Variants in ZNF568 observed in about 807,000 individuals in gnomAD.
ZNF568 encodes the protein p53 inhibitor of SCO2 activation.
In ZNF568, 11 loss-of-function variants were observed where a neutral mutation model predicts 18.1. The ratio of observed to expected loss-of-function variants is 0.61; its 90% CI spans 0.38 to 1.00. ZNF568 has a LOEUF of 1.00. ZNF568 is among the 50% of genes least tolerant of loss of function. The pLI is 0.01. For synonymous variants in ZNF568, 213 were observed against 246.6 expected, an observed-to-expected ratio of 0.86 and a Z score of 1.28; for missense variants, 639 against 768.2, an observed-to-expected ratio of 0.83 and a Z score of 1.99.
chr19:36,961,082 T>G (rs1017624925), intron 6 of ZNF568, among the ~76,000 whole-genome samples: 3 of 152,148 alleles, frequency 2.0e-5, no homozygotes, highest in Admixed American at 6.5e-5. Context: ...AAACTCTGAT[T>G]TTTTAAAACT....
chr19:36,956,046 T>TA (rs2074104816), downstream of ZNF568, among the ~76,000 whole-genome samples: 1 of 152,044 alleles, frequency 6.6e-6, no homozygotes, highest in Admixed American at 6.6e-5. Flanking sequence ...GTGCTTTCAG[T>TA]AAGAGGGGTA....
chr19:36,946,648 C>T (rs1600812831), intron 6 of ZNF568, among the ~76,000 whole-genome samples: 9 of 126,422 alleles, frequency 7.1e-5, no homozygotes, highest in Non-Finnish European at 6.6e-5. Flanking sequence ...TTTTTTGTTT[C>T]CTTTTTTTTT....
intron 4 of ZNF568, among the ~76,000 whole-genome samples, chr19:36,929,421 C>T (rs2146279547): frequency 6.6e-6 from 1 of 152,160 alleles, no homozygotes; most frequent in Middle Eastern, 3.4e-3. Context: ...CGTGGTGGCT[C>T]ACGCCTGTAA....
At chr19:36,962,121 GTTT>G (rs34079346) in intron 6 of ZNF568, among the ~76,000 whole-genome samples, 1 of 141,450 alleles carries the variant, frequency 7.1e-6, no homozygotes. Flanking sequence ...GTTGTTTTAT[GTTT>G]TTTTTTTTTT....
chr19:36,960,844 T>C (rs2146322595), intron 6 of ZNF568, among the ~76,000 whole-genome samples: 1 of 152,332 alleles, frequency 6.6e-6, no homozygotes, highest in East Asian at 1.9e-4. Context: ...AAAGTTCCTC[T>C]TGGTGTTAAT....
chr19:36,979,129 A>T (rs542742240), exon 8 of ZNF568: 1 of 246,870 alleles, frequency 4.1e-6, no homozygotes, highest in Non-Finnish European at 8.1e-6. Flanking sequence ...GATTACAGGC[A>T]TGTGTCACCA....
rs531983238 is a variant in ZNF568 at position 36,930,304 on chromosome 19, G to C, written c.135+5046G>C. 3.7e-4 allele frequency among the ~76,000 whole-genome samples: 56 copies of C among 151,144 alleles called. No homozygotes were observed. The South Asian group carries it at 0.012, about 32-fold the overall frequency. ...GGCTGACTGCAAGCTCCGCCTCCCA[G>C]GTTCACGCCATTCTCCTGCCTCAGC... is the stretch of plus-strand genomic sequence containing the variant. On this transcript the variant is annotated intron_variant, in intron 4 of 6. Transcript: ENST00000333987.
intron 6 of ZNF568, among the ~76,000 whole-genome samples, chr19:36,962,465 C>T (rs1412755359): frequency 1.3e-5 from 2 of 151,652 alleles, no homozygotes; most frequent in Admixed American, 1.3e-4. Flanking sequence ...CTCAGCCTCC[C>T]AAGTAGCTGG....
intron 4 of ZNF568, among the ~76,000 whole-genome samples, chr19:36,926,182 T>C (rs2073550662): frequency 6.6e-6 from 1 of 151,650 alleles, no homozygotes; most frequent in Admixed American, 6.6e-5. Flanking sequence ...ATCTTTTTTA[T>C]GGTCTCAGAA....
At chr19:36,942,365 C>G (rs1175748576) in intron 6 of ZNF568, among the ~76,000 whole-genome samples, 1 of 151,426 alleles carries the variant, frequency 6.6e-6, no homozygotes, top group Non-Finnish European at 1.5e-5. Flanking sequence ...TTTGGGAGGC[C>G]AAGGTGGGCA....
downstream of ZNF568, chr19:36,997,284 G>A: frequency 6.2e-7 from 1 of 1,601,732 alleles, no homozygotes; most frequent in Middle Eastern, 1.7e-4. Flanking sequence ...TCCATACTGG[G>A]GAGAAACCCT....
intron 2 of ZNF568, among the ~76,000 whole-genome samples, chr19:36,989,765 T>TG (rs2074408026): frequency 6.6e-6 from 1 of 152,052 alleles, no homozygotes; most frequent in Admixed American, 6.5e-5. Context: ...GTGTTGGTCT[T>TG]GAACTCCTGG....
intron 2 of ZNF568, among the ~76,000 whole-genome samples, chr19:36,988,056 C>T (rs2074391658): frequency 6.6e-6 from 1 of 152,012 alleles, no homozygotes. Flanking sequence ...GTTGTAAAAG[C>T]TATTATCTAT....
chr19:36,932,221 C>G (rs1287929825), intron 4 of ZNF568, among the ~76,000 whole-genome samples: 1 of 152,166 alleles, frequency 6.6e-6, no homozygotes, highest in African/African-American at 2.4e-5. Flanking sequence ...TATGTTTTCA[C>G]TTCTCTGAAG....
In ZNF568 at chr19:36,974,974, A is replaced by G. The variant is rs1230786759; in HGVS notation, c.405+508A>G. 4.8e-5 allele frequency among the ~76,000 whole-genome samples: 7 copies of G among 147,022 alleles called. No homozygotes were observed. In the East Asian group the frequency reaches 6.2e-4, roughly 13 times the overall value. On this transcript the variant is annotated intron_variant, in intron 7 of 7. Coordinates refer to the ZNF568 transcript ENST00000427117. ...CCTGAGTAGCCGAGATTACAGGCAC[A>G]CACCACCACGCCCAGCTAATTTTTG...
At chr19:36,957,788 C>T (rs192424470) in intron 6 of ZNF568, among the ~76,000 whole-genome samples, 1 of 152,258 alleles carries the variant, frequency 6.6e-6, no homozygotes, top group Admixed American at 6.5e-5. Context: ...CATGAAAGTA[C>T]TGGGAAACAA....
At chr19:36,934,559 C>G (rs2073757148) in intron 4 of ZNF568, among the ~76,000 whole-genome samples, 1 of 151,958 alleles carries the variant, frequency 6.6e-6, no homozygotes, top group Non-Finnish European at 1.5e-5. Flanking sequence ...TGGGCTCAAG[C>G]AATCCGCCTG....
At chr19:36,924,294 C>G (rs929812884) in intron 3 of ZNF568, among the ~76,000 whole-genome samples, 1 of 151,670 alleles carries the variant, frequency 6.6e-6, no homozygotes, top group African/African-American at 2.4e-5. Flanking sequence ...TCTCGGCTCA[C>G]TGCAACCTGC....
downstream of ZNF568, among the ~76,000 whole-genome samples, chr19:36,954,911 C>T (rs953139532): frequency 6.6e-6 from 1 of 151,274 alleles, no homozygotes; most frequent in Non-Finnish European, 1.5e-5. Flanking sequence ...AGGGGGTCTC[C>T]CTCTGTTGCC....
Sources: gnomAD v4.1 joint callset for allele counts (sites outside exome capture counted in the v4.1 genomes callset) on GRCh38, gnomAD v4.1.1 for gene constraint, MANE v1.5 for transcripts, NCBI Gene and HGNC (gene_info 2026-07-23, HGNC 2026-07-21) for gene names.